ATP2B2: variants seen among roughly 807,000 people sequenced by gnomAD.
ATP2B2 encodes ATPase plasma membrane Ca2+ transporting 2.
Under a neutral mutation model 120.0 loss-of-function variants are expected in ATP2B2, and 15 were observed. The ratio of observed to expected loss-of-function variants is 0.12; its 90% CI spans 0.08 to 0.19. The LOEUF is 0.19. Ranked by LOEUF, ATP2B2 falls within the 10% of genes least tolerant of loss-of-function variation. The probability of loss-of-function intolerance (pLI) is 1.00; values close to 1 mark genes in which losing one functional copy is unlikely to be tolerated. For missense variants in ATP2B2, 1,045 were observed against 1,719.8 expected, an observed-to-expected ratio of 0.61 and a Z score of 6.94; for synonymous variants, 694 against 700.3, an observed-to-expected ratio of 0.99 and a Z score of 0.14.
At chr3:10,519,916 G>A (rs542479487) in intron 3 of ATP2B2, among the ~76,000 whole-genome samples, 50 of 152,356 alleles carry the variant, frequency 3.3e-4, no homozygotes, top group African/African-American at 1.1e-3. Flanking sequence ...GGGATCGAAT[G>A]CAGGGGTTTT....
intron 2 of ATP2B2, among the ~76,000 whole-genome samples, chr3:10,558,411 G>C (rs6804266): frequency 4.6e-5 from 7 of 152,052 alleles, no homozygotes; most frequent in Admixed American, 2.0e-4. Context: ...TTTTCTGCTC[G>C]GTTGGCTAAG....
At position 10,378,305 on chromosome 3, in the gene ATP2B2, T is replaced by A. The variant is rs776634300; in HGVS notation, c.1148A>T (p.Lys383Met). 6.2e-7 allele frequency: 1 copy of A among 1,609,854 alleles called. No homozygotes were observed. The highest frequency in any genetic ancestry group is 8.5e-7 in the Non-Finnish European group (1 of 1,180,018). The stretch of plus-strand genomic sequence containing the variant: ...GGTGAGCTTGCCCTGCAGCACGGAC[T>A]TCTCCTTCTTGTGCATGCTGGCCTT... The part of the protein sequence containing the change: ...RKKASMHKKE[K>M]SVLQGKLTKL... The change falls in exon 10 of 23, where the codon AAG becomes ATG. Residue 383 changes from lysine to methionine, a missense_variant. Physicochemically the swap from Lys to Met is moderately conservative, Grantham distance 95. This residue lies in a region of ATP2B2 where 145 missense variants were observed against 202.0 expected (regional missense o/e 0.72). Coordinates refer to ENST00000360273, the MANE Select transcript of ATP2B2 (RefSeq NM_001001331.4).
chr3:10,569,270 G>A (rs1001897550), intron 2 of ATP2B2, among the ~76,000 whole-genome samples: 5 of 152,022 alleles, frequency 3.3e-5, no homozygotes, highest in Admixed American at 1.3e-4. Flanking sequence ...TCCTGGCTAC[G>A]CAGGTGATAT....
chr3:10,389,878 G>A (rs2061793747), intron 5 of ATP2B2, among the ~76,000 whole-genome samples: 1 of 152,204 alleles, frequency 6.6e-6, no homozygotes, highest in Non-Finnish European at 1.5e-5. Context: ...ACCCAGTCTG[G>A]GAAGTAGACA....
At chr3:10,410,906 C>A in intron 2 of ATP2B2, 91 bp from the exon 3 acceptor site, 1 of 1,471,616 alleles carries the variant, frequency 6.8e-7, no homozygotes, top group Non-Finnish European at 9.4e-7. Context: ...AGAAACAGAG[C>A]AAGAAACTTG....
chr3:10,345,552 G>C lies in ATP2B2; in HGVS notation c.2535C>G (p.Ala845=). The change falls in exon 18 of 23, where the codon GCC becomes GCG. Residue 845 remains alanine (A), a synonymous_variant. Transcript: ENST00000360273. ...TCAGGATGATGTCTGAGGCCTCCTT[G>C]GCCACGTCAGTGCCTGCGATGCCCT... The part of the protein sequence containing the change: ...FAMGIAGTDV[A]KEASDIILTD... 6.2e-7 allele frequency: 1 copy of C among 1,614,200 alleles called. No homozygotes were observed. The highest frequency in any genetic ancestry group is 1.1e-5 in the South Asian group (1 of 91,082).
At chr3:10,410,912 A>G in intron 2 of ATP2B2, 97 bp from the exon 3 acceptor site, 1 of 1,434,986 alleles carries the variant, frequency 7.0e-7, no homozygotes, top group Non-Finnish European at 9.7e-7. Context: ...AGAGCAAGAA[A>G]CTTGCTGGTG....
intron 1 of ATP2B2, among the ~76,000 whole-genome samples, chr3:10,466,959 G>C (rs1342007852): frequency 6.6e-6 from 1 of 152,226 alleles, no homozygotes; most frequent in African/African-American, 2.4e-5. Context: ...GGGTGGGTAG[G>C]CATTGGGCAA....
chr3:10,575,296 C>G (rs1442554174), intron 2 of ATP2B2, among the ~76,000 whole-genome samples: 2 of 152,114 alleles, frequency 1.3e-5, no homozygotes, highest in Non-Finnish European at 2.9e-5. Context: ...CCCTATATGT[C>G]TGTAAAGCTC....
chr3:10,508,789 AAGGTT>A (rs1446796039), upstream of ATP2B2, among the ~76,000 whole-genome samples: 1 of 152,156 alleles, frequency 6.6e-6, no homozygotes, highest in Non-Finnish European at 1.5e-5. Context: ...CAACTCCAGG[AAGGTT>A]GGAAATGACA....
At chr3:10,674,244 C>T (rs553325981) in intron 1 of ATP2B2, among the ~76,000 whole-genome samples, 1 of 152,314 alleles carries the variant, frequency 6.6e-6, no homozygotes, top group East Asian at 1.9e-4. Context: ...TCCTCTCAGC[C>T]ACCTACTGAC....
At chr3:10,657,899 C>A (rs535151455) in intron 1 of ATP2B2, among the ~76,000 whole-genome samples, 1 of 152,236 alleles carries the variant, frequency 6.6e-6, no homozygotes, top group Non-Finnish European at 1.5e-5. Flanking sequence ...TGAGATGAAA[C>A]TTCCAGAGGA....
intron 1 of ATP2B2, among the ~76,000 whole-genome samples, chr3:10,663,880 G>T (rs1192591850): frequency 6.6e-6 from 1 of 152,078 alleles, no homozygotes; most frequent in African/African-American, 2.4e-5. Context: ...TCGAAGACAG[G>T]GTCAGGTCTC....
At chr3:10,438,742 T>G (rs897486285) in intron 2 of ATP2B2, among the ~76,000 whole-genome samples, 2 of 152,152 alleles carry the variant, frequency 1.3e-5, no homozygotes, top group African/African-American at 2.4e-5. Flanking sequence ...AGGCAGAGGA[T>G]CTCTCCAGCT....
At chr3:10,526,064 A>C (rs2067084630) in intron 3 of ATP2B2, among the ~76,000 whole-genome samples, 2 of 152,348 alleles carry the variant, frequency 1.3e-5, no homozygotes, top group African/African-American at 4.8e-5. Context: ...TGCCTGGTGC[A>C]CAGTAAGTGT....
chr3:10,536,791 G>A (rs1193715168), intron 2 of ATP2B2, among the ~76,000 whole-genome samples: 1 of 152,212 alleles, frequency 6.6e-6, no homozygotes, highest in Non-Finnish European at 1.5e-5. Flanking sequence ...GCCTCCCAAA[G>A]TGTTGGGATT....
intron 1 of ATP2B2, among the ~76,000 whole-genome samples, chr3:10,668,833 A>G (rs2071017781): frequency 6.6e-6 from 1 of 152,212 alleles, no homozygotes; most frequent in African/African-American, 2.4e-5. Context: ...CCCAGCCCCT[A>G]GCATGGAGCA....
chr3:10,453,450 G>T (rs1207927008), intron 1 of ATP2B2, among the ~76,000 whole-genome samples: 1 of 152,178 alleles, frequency 6.6e-6, no homozygotes, highest in African/African-American at 2.4e-5. Context: ...AATTGCTCAA[G>T]ATCACAAGAT....
At chr3:10,494,996 T>G (rs2066086212) in intron 1 of ATP2B2, among the ~76,000 whole-genome samples, 1 of 152,190 alleles carries the variant, frequency 6.6e-6, no homozygotes, top group Admixed American at 6.5e-5. Flanking sequence ...TTAAGACATG[T>G]AAACCACCTC....
Sources: allele counts gnomAD v4.1 joint callset (sites outside exome capture counted in the v4.1 genomes callset), GRCh38; gene constraint gnomAD v4.1.1; regional missense constraint gnomAD v4.1.1; transcripts MANE v1.5; gene names NCBI Gene and HGNC (gene_info 2026-07-23, HGNC 2026-07-21).